The following NRSN1 variants were observed in gnomAD, a reference collection of about 807,000 sequenced individuals.
The protein encoded by NRSN1 is neurensin 1, also known as neurensin-1.
A neutral mutation model predicts 17.3 loss-of-function variants in NRSN1; 14 were observed. The ratio of observed to expected loss-of-function variants is 0.81; its 90% CI spans 0.54 to 1.27. The LOEUF is 1.27. Ranked by LOEUF, NRSN1 falls within the 50% of genes most tolerant of loss-of-function variation. NRSN1 has a pLI of 0.00. For missense variants in NRSN1, 209 were observed against 235.9 expected (o/e 0.89, Z 0.75); for synonymous variants, 79 against 94.2 (o/e 0.84, Z 0.93).
At chr6:24,134,004 TTGTGTGTGTGTGTG>T (rs71002461) in intron 2 of NRSN1, among the ~76,000 whole-genome samples, 4 of 132,856 alleles carry the variant, frequency 3.0e-5, no homozygotes, top group African/African-American at 8.8e-5. Flanking sequence ...ACCCAGCTAA[TTGTGTGTGTGTGTG>T]TGTGTGTGTG....
At chr6:24,140,780 C>A in intron 3 of NRSN1, 1 of 1,138,626 alleles carries the variant, frequency 8.8e-7, no homozygotes, top group Non-Finnish European at 1.1e-6. Context: ...GAGTAAACTG[C>A]ATTTTCAGGC....
chr6:24,145,798 A>T lies in NRSN1; in HGVS notation c.440A>T (p.Glu147Val). The T allele has an allele frequency of 6.2e-7, 1 of 1,614,176 alleles. No individual in the cohort carries two copies. The highest frequency in any genetic ancestry group is 2.2e-5 in the East Asian group (1 of 44,886). ...SVFVKSYSKE[E>V]KFLQQKFKER... is the part of the protein sequence containing the mutation. ...TTTGTAAAGAGCTACTCCAAAGAAG[A>T]AAAATTCCTCCAGCAGAAGTTTAAA... Residue 147 changes from glutamate to valine, a missense_variant, in exon 4 of 4, where the codon GAA becomes GTA. By Grantham distance (121) the Glu-to-Val change is moderately radical. Coordinates refer to ENST00000378491, the MANE Select transcript of NRSN1 (RefSeq NM_080723.5). The surrounding 1 kb of genome is among the most constrained non-coding windows in gnomAD (Gnocchi z 4.4).
chr6:24,132,161 G>C (rs535750457), intron 2 of NRSN1, among the ~76,000 whole-genome samples: 14 of 152,236 alleles, frequency 9.2e-5, no homozygotes, highest in African/African-American at 1.9e-4. Flanking sequence ...TCCTCAATTT[G>C]ACTACATTCT....
rs749393103 is a variant in NRSN1, at chr6:24,134,301, T to C, written c.-9-18T>C. 6 of 1,607,554 alleles carry C rather than the reference T, an allele frequency of 3.7e-6. No individual in the cohort carries two copies. The South Asian group carries it at 4.4e-5, about 12-fold the overall frequency. Reference sequence around the variant, plus strand: ...CCAAAGCCTGTGGCATTAATCCATGTGGATGTTGTCATTCCAGCTGGGAAG... The same window carrying C: ...CCAAAGCCTGTGGCATTAATCCATGCGGATGTTGTCATTCCAGCTGGGAAG... On this transcript the variant is annotated intron_variant, in intron 2 of 3. Transcript: ENST00000378491.
intron 3 of NRSN1, among the ~76,000 whole-genome samples, chr6:24,136,227 C>T (rs1760117230): frequency 6.6e-6 from 1 of 152,150 alleles, no homozygotes; most frequent in African/African-American, 2.4e-5. Context: ...GCTTAATAAG[C>T]ATTAGCTATA....
At chr6:24,126,770 C>G (rs1759955646) in intron 1 of NRSN1, among the ~76,000 whole-genome samples, 1 of 152,190 alleles carries the variant, frequency 6.6e-6, no homozygotes, top group Non-Finnish European at 1.5e-5. Flanking sequence ...TGGCCCTCCC[C>G]ACTCCTGTGC....
chr6:24,130,524 A>G (rs892963045), intron 2 of NRSN1, among the ~76,000 whole-genome samples: 1 of 152,210 alleles, frequency 6.6e-6, no homozygotes, highest in Admixed American at 6.5e-5. Flanking sequence ...CTTCCAAGTC[A>G]TTCTTCTCTA....
At position 24,146,323 on chromosome 6, in the gene NRSN1, T is replaced by C. The variant is rs1339418483; in HGVS notation, c.*377T>C. Reference sequence around the variant, plus strand: ...CATTTTATTTTCTAATATTGGTTTATCTAATGTTTTCTGCGTGGTGCTGTC... The same window carrying C: ...CATTTTATTTTCTAATATTGGTTTACCTAATGTTTTCTGCGTGGTGCTGTC... On this transcript the variant is annotated 3_prime_UTR_variant, in exon 4 of 4. Coordinates refer to ENST00000378491, the MANE Select transcript of NRSN1 (RefSeq NM_080723.5). 4.1e-6 allele frequency: 2 copies of C among 491,628 alleles called. No homozygotes were observed. Among genetic ancestry groups the C allele is most frequent in the East Asian group, 6.3e-5 (1 of 15,990 alleles). 30.5% of individuals were successfully genotyped at this position (491,628 alleles called of 1,614,324 possible). A position where few individuals can be genotyped will look rare whatever the true frequency, so the allele number is the denominator to read the frequency against.
intron 3 of NRSN1, among the ~76,000 whole-genome samples, chr6:24,142,622 G>A (rs1030358277): frequency 5.9e-5 from 9 of 152,042 alleles, no homozygotes; most frequent in African/African-American, 1.4e-4. Context: ...ACCATGCCTG[G>A]CTAATTTTGT....
In NRSN1 at chr6:24,145,903, C is replaced by T. The variant is rs201150780; in HGVS notation, c.545C>T (p.Thr182Ile). 2.5e-6 allele frequency: 4 copies of T among 1,613,702 alleles called. No individual in the cohort carries two copies. In the African/African-American group the frequency reaches 4.0e-5, roughly 16 times the overall value. ...PGPGETKIPV[T>I]LSRVQNVQPL... ...CCAGGGGAAACAAAGATTCCAGTCA[C>T]TTTGTCCAGGGTTCAAAATGTCCAG... Residue 182 changes from threonine (T) to isoleucine (I), a missense_variant, in exon 4 of 4, where the codon ACT (threonine) becomes ATT (isoleucine). Coordinates refer to ENST00000378491, the MANE Select transcript of NRSN1 (RefSeq NM_080723.5). The surrounding 1 kb of genome is among the most constrained non-coding windows in gnomAD (Gnocchi z 4.4).
At chr6:24,144,812 A>G (rs182282563) in intron 3 of NRSN1, among the ~76,000 whole-genome samples, 298 of 152,084 alleles carry the variant, frequency 2.0e-3, no homozygotes, top group African/African-American at 6.9e-3. Context: ...CTGGCAGAAC[A>G]GCATGGCCTT....
rs1488401997 is a variant in NRSN1, at chr6:24,134,501, C to G, written c.174C>G (p.Ser58Arg). Residue 58 changes from serine (S) to arginine (R), a missense_variant, in exon 3 of 4, where the codon AGC (serine) becomes AGG (arginine). Transcript: ENST00000378491. ...TCCAAAGATCACCTAACAGGTGGAG[C>G]TCAGTATTCTGGAAGGTAAGGAAGG... is the stretch of plus-strand genomic sequence containing the variant. ...FQIQRSPNRWSSVFWKVGLIS... is the reference protein window; with the variant it reads ...FQIQRSPNRWRSVFWKVGLIS... 4 of 1,613,660 alleles carry G rather than the reference C, an allele frequency of 2.5e-6. No homozygotes were observed. Among genetic ancestry groups the G allele is most frequent in the Middle Eastern group, 1.6e-4 (1 of 6,082 alleles).
At chr6:24,130,599 C>CTGA (rs1247536227) in intron 2 of NRSN1, among the ~76,000 whole-genome samples, 9 of 152,084 alleles carry the variant, frequency 5.9e-5, no homozygotes, top group Non-Finnish European at 8.8e-5. Context: ...CCTCGGGGAT[C>CTGA]CTATTTTAGG....
intron 3 of NRSN1, among the ~76,000 whole-genome samples, chr6:24,139,251 G>T (rs1760162212): frequency 6.6e-6 from 1 of 152,152 alleles, no homozygotes; most frequent in Non-Finnish European, 1.5e-5. Flanking sequence ...TCCTGTGGAA[G>T]ACTACTAAGA....
At chr6:24,142,918 C>T (rs1760238897) in intron 3 of NRSN1, among the ~76,000 whole-genome samples, 1 of 152,196 alleles carries the variant, frequency 6.6e-6, no homozygotes, top group African/African-American at 2.4e-5. Flanking sequence ...GCCCCGCCCA[C>T]ATCCTGCTGA....
chr6:24,131,869 A>G (rs1236478786), intron 2 of NRSN1, among the ~76,000 whole-genome samples: 1 of 152,170 alleles, frequency 6.6e-6, no homozygotes, highest in Non-Finnish European at 1.5e-5. Context: ...ACTCAGGCAA[A>G]GAACATTCTA....
rs940874623 is a variant in NRSN1, at chr6:24,134,235, C to T, written c.-9-84C>T. 16 of 1,050,560 alleles carry T rather than the reference C, an allele frequency of 1.5e-5. No homozygotes were observed. In the African/African-American group the frequency reaches 1.9e-4, roughly 12 times the overall value. The allele number at this position is 1,050,560 out of a possible 1,614,324, so 65.1% of individuals were successfully genotyped here. A position where few individuals can be genotyped will look rare whatever the true frequency, so the allele number is the denominator to read the frequency against. On this transcript the variant is annotated intron_variant, in intron 2 of 3. Coordinates refer to ENST00000378491, the MANE Select transcript of NRSN1 (RefSeq NM_080723.5). ...ATTGTTCAACTAGGCATACATTACTCAGTCTGGTTCTTACCTTTCATATGT... is the reference window on the plus strand; with the variant it reads ...ATTGTTCAACTAGGCATACATTACTTAGTCTGGTTCTTACCTTTCATATGT...
rs374933838 is a variant in NRSN1, at chr6:24,132,510, T to C, written c.-9-1809T>C. On this transcript the variant is annotated intron_variant, in intron 2 of 3. Transcript: ENST00000378491. The stretch of plus-strand genomic sequence containing the variant: ...ATGTTGTTCCCCACTTTGTCACGTA[T>C]AGACTATGTCCACATAACTAAAACT... Among the ~76,000 whole-genome samples the C allele has an allele frequency of 9.2e-5, 14 of 152,368 alleles. No homozygotes were observed. In the East Asian group the frequency reaches 2.7e-3, roughly 29 times the overall value.
At chr6:24,138,910 T>C (rs752479915) in intron 3 of NRSN1, among the ~76,000 whole-genome samples, 11 of 152,198 alleles carry the variant, frequency 7.2e-5, no homozygotes, top group Non-Finnish European at 1.3e-4. Flanking sequence ...GAAATACATA[T>C]ATATTGTGGC....
Sources: allele counts gnomAD v4.1 joint callset (sites outside exome capture counted in the v4.1 genomes callset), GRCh38; gene constraint gnomAD v4.1.1; non-coding constraint Gnocchi (gnomAD v3.1); transcripts MANE v1.5; gene names NCBI Gene and HGNC (gene_info 2026-07-23, HGNC 2026-07-21).